The following DOCK4 variants were observed in gnomAD, a reference collection of about 807,000 sequenced individuals.
The protein encoded by DOCK4 is dedicator of cytokinesis protein 4.
Under a neutral mutation model 268.1 loss-of-function variants are expected in DOCK4, and 97 were observed. That is an observed-to-expected ratio of 0.36 (90% confidence interval 0.31 to 0.43). The LOEUF (loss-of-function observed/expected upper bound fraction) is 0.43, where lower values mean the gene tolerates loss of function less well. Ranked by LOEUF, DOCK4 falls within the 20% of genes least tolerant of loss-of-function variation. The probability of loss-of-function intolerance (pLI) is 1.00; values close to 1 mark genes in which losing one functional copy is unlikely to be tolerated. For missense variants in DOCK4, 2,145 were observed against 2,455.7 expected (o/e 0.87, Z 2.67); for synonymous variants, 954 against 887.2 (o/e 1.08, Z -1.34).
At chr7:111,986,542 GGAA>G (rs2135194322) in intron 6 of DOCK4, among the ~76,000 whole-genome samples, 1 of 152,258 alleles carries the variant, frequency 6.6e-6, no homozygotes, top group Admixed American at 6.5e-5. Context: ...AGGCAAGTAG[GGAA>G]GAGAGAGGAT....
intron 16 of DOCK4, among the ~76,000 whole-genome samples, chr7:111,889,477 T>C (rs1286470725): frequency 6.6e-6 from 1 of 152,148 alleles, no homozygotes; most frequent in African/African-American, 2.4e-5. Flanking sequence ...CTTTTCATTT[T>C]ACTTATGAAT....
intron 1 of DOCK4, among the ~76,000 whole-genome samples, chr7:112,041,675 A>T (rs1476971062): frequency 6.6e-6 from 1 of 152,194 alleles, no homozygotes; most frequent in African/African-American, 2.4e-5. Flanking sequence ...ACTTTTTAGT[A>T]AGTGGTTCCT....
intron 1 of DOCK4, among the ~76,000 whole-genome samples, chr7:112,104,676 C>A (rs768829258): frequency 2.6e-5 from 4 of 151,970 alleles, no homozygotes; most frequent in Non-Finnish European, 4.4e-5. Context: ...ATCCAAATGA[C>A]CTATGGTGTT....
intron 42 of DOCK4, among the ~76,000 whole-genome samples, chr7:111,748,400 G>C (rs1262008068): frequency 1.3e-5 from 2 of 151,298 alleles, no homozygotes; most frequent in African/African-American, 4.9e-5. Context: ...GGTATATAAG[G>C]ATTCTTAAAA....
chr7:111,855,326 C>T (rs910939086), intron 23 of DOCK4, among the ~76,000 whole-genome samples: 1 of 151,988 alleles, frequency 6.6e-6, no homozygotes, highest in African/African-American at 2.4e-5. Flanking sequence ...AGAGAGGAGG[C>T]AGTGGGGGTG....
At chr7:112,135,572 A>G (rs112190559) in intron 1 of DOCK4, among the ~76,000 whole-genome samples, 343 of 152,306 alleles carry the variant, frequency 2.3e-3, no homozygotes, top group African/African-American at 7.7e-3. Context: ...AAAGCCATCA[A>G]TCCAAGCATT....
At chr7:112,190,609 G>T (rs1410075706) in intron 1 of DOCK4, among the ~76,000 whole-genome samples, 2 of 152,164 alleles carry the variant, frequency 1.3e-5, no homozygotes, top group East Asian at 3.9e-4. Context: ...ATTGCAGACA[G>T]GGGCCGATTT....
At chr7:111,986,250 C>T (rs1315912312) in intron 6 of DOCK4, among the ~76,000 whole-genome samples, 3 of 152,178 alleles carry the variant, frequency 2.0e-5, no homozygotes, top group Non-Finnish European at 4.4e-5. Flanking sequence ...ACATCAGTCA[C>T]ATGCAGGAGG....
chr7:112,080,967 G>C (rs1808526166), intron 1 of DOCK4, among the ~76,000 whole-genome samples: 1 of 152,122 alleles, frequency 6.6e-6, no homozygotes. Flanking sequence ...TGTTCCATCT[G>C]CTCAACAATA....
At position 111,726,330 on chromosome 7, in the gene DOCK4, T is replaced by C. The variant is rs1275364557; in HGVS notation, c.*1944A>G. On this transcript the variant is annotated 3_prime_UTR_variant, in exon 53 of 53. Coordinates refer to ENST00000428084, the MANE Select transcript of DOCK4 (RefSeq NM_001363540.2). ...ACTGATTTATAATGTGCCCAAGCAC[T>C]AGTCAACAAATCTATTAAATTACAC... 1 of 152,606 alleles carries C rather than the reference T, an allele frequency of 6.6e-6. No individual in the cohort carries two copies. Among genetic ancestry groups the C allele is most frequent in the African/African-American group, 2.4e-5 (1 of 41,446 alleles). 9.5% of individuals were successfully genotyped at this position (152,606 alleles called of 1,614,324 possible).
intron 13 of DOCK4, among the ~76,000 whole-genome samples, chr7:111,908,228 C>A (rs1791760841): frequency 6.6e-6 from 1 of 151,984 alleles, no homozygotes; most frequent in Non-Finnish European, 1.5e-5. Flanking sequence ...GCAGGCAGAT[C>A]ACAAGGTCAG....
At chr7:111,839,111 T>C (rs543132565) in intron 25 of DOCK4, among the ~76,000 whole-genome samples, 48 of 152,342 alleles carry the variant, frequency 3.2e-4, no homozygotes, top group African/African-American at 1.1e-3. Flanking sequence ...GTATCCCTGG[T>C]TCTAGAAGTC....
At chr7:112,006,147 AC>A (rs909166131) in intron 1 of DOCK4, among the ~76,000 whole-genome samples, 2 of 152,028 alleles carry the variant, frequency 1.3e-5, no homozygotes, top group African/African-American at 4.8e-5. Flanking sequence ...ATGGATTTGA[AC>A]CCCAATCTCA....
intron 8 of DOCK4, among the ~76,000 whole-genome samples, chr7:111,975,814 C>G (rs1256389619): frequency 1.3e-5 from 2 of 151,868 alleles, no homozygotes; most frequent in Non-Finnish European, 2.9e-5. Context: ...CACATATTCC[C>G]TAGAAAAAGA....
chr7:111,819,797 G>A (rs1801839367), intron 27 of DOCK4: 1 of 152,174 alleles, frequency 6.6e-6, no homozygotes, highest in South Asian at 2.1e-4. Context: ...CATGTATTAA[G>A]CACACGACTG....
At chr7:111,777,056 C>G (rs891134775) in intron 36 of DOCK4, among the ~76,000 whole-genome samples, 5 of 152,076 alleles carry the variant, frequency 3.3e-5, no homozygotes, top group African/African-American at 1.2e-4. Context: ...TGGGCTCAAG[C>G]GATCCACCTG....
rs1356984639 is a variant in DOCK4, at chr7:111,823,213, T to TA, written c.2836-758_2836-757insT. On this transcript the variant is annotated intron_variant, in intron 26 of 52. Transcript: ENST00000428084. ...AGACATGGAAATATTACTTTTTTTT[T>TA]TTTTTTTTTTTTTAGACGGAGTCTT... Among the ~76,000 whole-genome samples, 4 of 148,996 alleles carry TA rather than the reference T, an allele frequency of 2.7e-5. No individual in the cohort carries two copies. In the East Asian group the frequency reaches 7.8e-4, roughly 29 times the overall value.
intron 40 of DOCK4, 95 bp downstream of exon 40, chr7:111,760,086 A>T (rs1203232410): frequency 6.7e-7 from 1 of 1,502,450 alleles, no homozygotes; most frequent in African/African-American, 1.4e-5. Flanking sequence ...TGGCTATTGA[A>T]AAGGGACTGG....
In DOCK4 at chr7:111,823,918, G is replaced by A. The variant is rs373053368; in HGVS notation, c.2836-1462C>T. The stretch of plus-strand genomic sequence containing the variant: ...AAAATCTAAAAACTAAAAACCATGT[G>A]GTAGCTTTATTTTCTTTTTATATAC... On this transcript the variant is annotated intron_variant, in intron 26 of 52. Transcript: ENST00000428084. 2.6e-5 allele frequency among the ~76,000 whole-genome samples: 4 copies of A among 152,118 alleles called. No homozygotes were observed. In the South Asian group the frequency reaches 8.3e-4, roughly 31 times the overall value.
Sources: gnomAD v4.1 joint callset for allele counts (sites outside exome capture counted in the v4.1 genomes callset) on GRCh38, gnomAD v4.1.1 for gene constraint, MANE v1.5 for transcripts, NCBI Gene and HGNC (gene_info 2026-07-23, HGNC 2026-07-21) for gene names.